The following LAMA2 variants were observed in gnomAD, a reference collection of about 807,000 sequenced individuals.
LAMA2 encodes the protein laminin subunit alpha-2.
In LAMA2, 269 loss-of-function variants were observed where a neutral mutation model predicts 364.8. The ratio of observed to expected loss-of-function variants is 0.74; its 90% confidence interval spans 0.67 to 0.82. LAMA2 has a LOEUF of 0.82. Among genes scored for constraint, LAMA2 ranks in the 40% least tolerant of loss-of-function variants. The probability of loss-of-function intolerance (pLI) is 0.00; values close to 1 mark genes in which losing one functional copy is unlikely to be tolerated. For missense variants in LAMA2, 3,807 were observed against 3,873.2 expected, an observed-to-expected ratio of 0.98 and a Z score of 0.45; for synonymous variants, 1,379 against 1,370.6, an observed-to-expected ratio of 1.01 and a Z score of -0.14.
chr6:129,185,701 T>C (rs894418656), intron 10 of LAMA2, among the ~76,000 whole-genome samples: 1 of 151,746 alleles, frequency 6.6e-6, no homozygotes, highest in African/African-American at 2.4e-5. Flanking sequence ...TGATAAAAAA[T>C]AGATTAAGTA....
chr6:129,476,896 AACAG>A (rs949198069), intron 53 of LAMA2, among the ~76,000 whole-genome samples: 4 of 152,306 alleles, frequency 2.6e-5, no homozygotes, highest in East Asian at 1.9e-4. Flanking sequence ...CGGGGGTGGA[AACAG>A]ACAGACACCT....
At chr6:129,511,945 G>A (rs1786617993) in intron 62 of LAMA2, among the ~76,000 whole-genome samples, 1 of 152,088 alleles carries the variant, frequency 6.6e-6, no homozygotes, top group African/African-American at 2.4e-5. Context: ...TAACTGAAAT[G>A]TTTTTCTTTA....
At chr6:129,308,732 G>C (rs1774031405) in intron 22 of LAMA2, among the ~76,000 whole-genome samples, 2 of 152,174 alleles carry the variant, frequency 1.3e-5, no homozygotes, top group Non-Finnish European at 2.9e-5. Context: ...TGGTTTAATG[G>C]GCTCACAGTT....
At chr6:129,322,925 T>C (rs954969340) in intron 28 of LAMA2, among the ~76,000 whole-genome samples, 28 of 152,274 alleles carry the variant, frequency 1.8e-4, no homozygotes, top group African/African-American at 4.6e-4. Flanking sequence ...ATAAAACAAA[T>C]GATAAATGAA....
At chr6:129,024,339 A>T (rs1283892125) in intron 1 of LAMA2, among the ~76,000 whole-genome samples, 1 of 150,594 alleles carries the variant, frequency 6.6e-6, no homozygotes, top group Non-Finnish European at 1.5e-5. Context: ...CAAGGAACAT[A>T]TTCAACCCAA....
intron 58 of LAMA2, 87 bp from the exon 59 acceptor site, chr6:129,502,571 TA>T (rs1234817555): frequency 2.4e-6 from 2 of 845,674 alleles, no homozygotes; most frequent in Non-Finnish European, 4.1e-6. Flanking sequence ...AGAATTACGC[TA>T]ATATGTAAGA....
chr6:129,209,250 T>C, intron 12 of LAMA2, among the ~76,000 whole-genome samples: 1 of 152,188 alleles, frequency 6.6e-6, no homozygotes. Context: ...AGGGATGAAA[T>C]GTAAATATGT....
At chr6:129,220,098 G>A (rs1325340190) in intron 12 of LAMA2, among the ~76,000 whole-genome samples, 1 of 152,152 alleles carries the variant, frequency 6.6e-6, no homozygotes, top group Non-Finnish European at 1.5e-5. Context: ...CATTTACCAA[G>A]TGGGAGGATT....
At chr6:129,498,628 C>CAAAT (rs1332669635) in intron 58 of LAMA2, among the ~76,000 whole-genome samples, 2 of 152,026 alleles carry the variant, frequency 1.3e-5, no homozygotes, top group Non-Finnish European at 2.9e-5. Flanking sequence ...AAAATCATGA[C>CAAAT]AAATAAGCAC....
chr6:129,077,606 A>G (rs1157442393), intron 3 of LAMA2, among the ~76,000 whole-genome samples: 1 of 151,976 alleles, frequency 6.6e-6, no homozygotes, highest in African/African-American at 2.4e-5. Context: ...AGATGAGAAG[A>G]TATAAAGTTG....
intron 20 of LAMA2, among the ~76,000 whole-genome samples, chr6:129,297,073 T>C (rs1773231955): frequency 6.6e-6 from 1 of 152,234 alleles, no homozygotes; most frequent in Non-Finnish European, 1.5e-5. Context: ...ATTTCAATTG[T>C]TAGAATGAAA....
Position 129,260,692 on chromosome 6 carries a change from C to G in LAMA2, c.2097-19C>G. ...TAAGAACTTTACTTATTCACCATCT[C>G]TTTTTTCCTCTGCCATAGGTTGAGC... On this transcript the variant is annotated intron_variant, in intron 14 of 64. Coordinates refer to ENST00000421865, the MANE Select transcript of LAMA2 (RefSeq NM_000426.4). 6.8e-7 allele frequency: 1 copy of G among 1,475,700 alleles called. No homozygotes were observed. The highest frequency in any genetic ancestry group is 1.1e-5 in the South Asian group (1 of 88,284). 91.4% of individuals were successfully genotyped at this position (1,475,700 alleles called of 1,614,324 possible).
intron 13 of LAMA2, among the ~76,000 whole-genome samples, chr6:129,251,046 C>CTCTT (rs1786163006): frequency 1.6e-5 from 1 of 61,064 alleles, no homozygotes; most frequent in African/African-American, 6.4e-5. Flanking sequence ...CTCTTTCTCT[C>CTCTT]TCTCTCTCTC....
intron 1 of LAMA2, among the ~76,000 whole-genome samples, chr6:129,031,354 A>G (rs1006572669): frequency 6.6e-6 from 1 of 152,166 alleles, no homozygotes; most frequent in Non-Finnish European, 1.5e-5. Context: ...GGCCTGGTGT[A>G]ATTTGAAAGT....
intron 34 of LAMA2, among the ~76,000 whole-genome samples, chr6:129,378,076 C>T (rs1054355581): frequency 6.6e-6 from 1 of 151,716 alleles, no homozygotes; most frequent in Admixed American, 6.6e-5. Context: ...CAAAGGAACA[C>T]TGTAAAGATT....
At position 129,386,689 on chromosome 6, in the gene LAMA2, G is replaced by A. The variant is rs192083673; in HGVS notation, c.5071+3456G>A. Among the ~76,000 whole-genome samples the A allele has an allele frequency of 3.4e-4, 51 of 152,154 alleles. No individual in the cohort carries two copies. The East Asian group carries it at 7.5e-3, about 22-fold the overall frequency. Reference sequence around the variant, plus strand: ...AATAAATGTTATCCAAATTAAACTGGCAAGTTTTAATGGGCCATGTGTAAT... The same window carrying A: ...AATAAATGTTATCCAAATTAAACTGACAAGTTTTAATGGGCCATGTGTAAT... On this transcript the variant is annotated intron_variant, in intron 35 of 64. Coordinates refer to ENST00000421865, the MANE Select transcript of LAMA2 (RefSeq NM_000426.4).
intron 18 of LAMA2, among the ~76,000 whole-genome samples, chr6:129,282,029 A>G (rs1788751707): frequency 6.6e-6 from 1 of 152,200 alleles, no homozygotes; most frequent in African/African-American, 2.4e-5. Context: ...GTTGCATTAA[A>G]AATCTTGTAA....
intron 41 of LAMA2, among the ~76,000 whole-genome samples, chr6:129,434,950 TA>T (rs200258069): frequency 1.5e-3 from 229 of 150,530 alleles, no homozygotes; most frequent in African/African-American, 5.2e-3. Context: ...GCTGAAACAT[TA>T]AAAAAAAATC....
At chr6:129,409,005 C>A (rs1231245943) in intron 40 of LAMA2, among the ~76,000 whole-genome samples, 2 of 152,196 alleles carry the variant, frequency 1.3e-5, no homozygotes, top group Non-Finnish European at 2.9e-5. Context: ...TACTTTGCCA[C>A]CAATTTTTTA....
Sources: allele counts gnomAD v4.1 joint callset (sites outside exome capture counted in the v4.1 genomes callset), GRCh38; gene constraint gnomAD v4.1.1; transcripts MANE v1.5; gene names NCBI Gene and HGNC (gene_info 2026-07-23, HGNC 2026-07-21).